C6: variants seen among roughly 807,000 people sequenced by gnomAD.
C6 encodes complement component C6.
C6 carries 101 observed loss-of-function variants against 112.9 expected under a neutral mutation model. That is an observed-to-expected ratio of 0.89 (90% CI 0.76 to 1.06). C6 has a LOEUF of 1.06. Among genes scored for constraint, C6 ranks in the 50% least tolerant of loss-of-function variants. C6 has a pLI of 0.00. For synonymous variants in C6, 431 were observed against 384.1 expected, an observed-to-expected ratio of 1.12 and a Z score of -1.43; for missense variants, 1,202 against 1,104.6, an observed-to-expected ratio of 1.09 and a Z score of -1.25.
At chr5:41,147,428 T>C (rs886725284) in intron 17 of C6, among the ~76,000 whole-genome samples, 11 of 152,160 alleles carry the variant, frequency 7.2e-5, no homozygotes, top group African/African-American at 2.7e-4. Flanking sequence ...AGATGCCAGC[T>C]ATGTCCACCC....
intron 13 of C6, 100 bp downstream of exon 13, chr5:41,158,574 G>A: frequency 1.4e-6 from 1 of 737,972 alleles, no homozygotes; most frequent in African/African-American, 1.7e-5. Context: ...GTCAATAGGA[G>A]ATTATTCGAA....
At chr5:41,203,774 G>A (rs1751214206) in intron 1 of C6, 1 of 162,668 alleles carries the variant, frequency 6.1e-6, no homozygotes, top group Non-Finnish European at 1.4e-5. Flanking sequence ...AGCTAGTAAG[G>A]ATCTTTGAAA....
At chr5:41,151,718 C>T (rs1349865347) in intron 15 of C6, among the ~76,000 whole-genome samples, 1 of 152,018 alleles carries the variant, frequency 6.6e-6, no homozygotes, top group East Asian at 1.9e-4. Context: ...GATTAATGTC[C>T]AAGCACTGGC....
intron 8 of C6, among the ~76,000 whole-genome samples, chr5:41,174,208 G>A (rs1329692972): frequency 6.6e-6 from 1 of 152,150 alleles, no homozygotes; most frequent in African/African-American, 2.4e-5. Context: ...CTTTATCAAT[G>A]AATTTCTGTG....
At chr5:41,224,908 A>C (rs878866198) in intron 1 of C6, among the ~76,000 whole-genome samples, 3 of 151,992 alleles carry the variant, frequency 2.0e-5, no homozygotes, top group Admixed American at 2.0e-4. Flanking sequence ...CCTTGCCAAC[A>C]CTTGTTATTT....
chr5:41,169,665 A>G (rs1476991275), intron 9 of C6, among the ~76,000 whole-genome samples: 2 of 152,084 alleles, frequency 1.3e-5, no homozygotes, highest in Non-Finnish European at 2.9e-5. Context: ...GGAAGGAGTC[A>G]CGTCCTACAT....
chr5:41,178,601 G>A (rs773646235), intron 7 of C6, among the ~76,000 whole-genome samples: 14 of 148,724 alleles, frequency 9.4e-5, no homozygotes, highest in East Asian at 2.0e-4. Flanking sequence ...TCAGCCTCCC[G>A]AGTAGCTGGG....
At chr5:41,204,340 C>G (rs1175031776) in intron 1 of C6, among the ~76,000 whole-genome samples, 2 of 152,202 alleles carry the variant, frequency 1.3e-5, no homozygotes, top group African/African-American at 2.4e-5. Context: ...TTAATAAATA[C>G]TAGCTTTTCA....
At position 41,158,739 on chromosome 5, in the gene C6, G is replaced by T. The variant is rs201273657; in HGVS notation, c.1903C>A (p.Leu635Ile). The T allele has an allele frequency of 1.2e-6, 2 of 1,610,652 alleles. No homozygotes were observed. Among genetic ancestry groups the T allele is most frequent in the Non-Finnish European group, 1.7e-6 (2 of 1,177,032 alleles). ...NDDEEMKEVD[L>I]PEIEADSGCP... The stretch of plus-strand genomic sequence containing the variant: ...CCGGAATCTGCTTCTATCTCAGGAA[G>T]ATCGACCTCTTTCATTTCTTCGTCA... The change falls in exon 13 of 18, where the codon CTT becomes ATT. Residue 635 changes from leucine (L) to isoleucine (I), a missense_variant. Leu to Ile is a conservative substitution (Grantham distance 5, BLOSUM62 2). Coordinates refer to ENST00000337836, the MANE Select transcript of C6 (RefSeq NM_000065.5).
At chr5:41,230,975 T>A (rs1225388404) in intron 1 of C6, among the ~76,000 whole-genome samples, 2 of 152,210 alleles carry the variant, frequency 1.3e-5, no homozygotes, top group African/African-American at 4.8e-5. Flanking sequence ...TATCATACAA[T>A]AAATTCTATT....
intron 6 of C6, among the ~76,000 whole-genome samples, chr5:41,184,100 C>T (rs561692061): frequency 1.3e-5 from 2 of 151,186 alleles, no homozygotes; most frequent in East Asian, 3.9e-4. Flanking sequence ...GTGACAAACT[C>T]GCATATGTAT....
intron 1 of C6, among the ~76,000 whole-genome samples, chr5:41,239,230 G>C (rs1740542479): frequency 6.7e-6 from 1 of 149,252 alleles, no homozygotes; most frequent in African/African-American, 2.5e-5. Context: ...TTCTGTCTCA[G>C]CCTCCCCATG....
intron 4 of C6, among the ~76,000 whole-genome samples, chr5:41,198,491 T>C (rs924462927): frequency 1.3e-5 from 2 of 152,154 alleles, no homozygotes; most frequent in Non-Finnish European, 2.9e-5. Flanking sequence ...TTTTGGGCTC[T>C]GGGAAGCAGG....
intron 1 of C6, chr5:41,203,514 G>A (rs1043787725): frequency 2.4e-6 from 1 of 422,330 alleles, no homozygotes; most frequent in Non-Finnish European, 4.4e-6. Flanking sequence ...ACAAGACAAA[G>A]TATGTAGCAT....
rs556557033 is a variant in C6, at chr5:41,211,819, G to A, written c.-21+1557C>T. Among the ~76,000 whole-genome samples the A allele has an allele frequency of 6.6e-5, 10 of 152,190 alleles. 1 individual carries two copies. The South Asian group carries it at 1.7e-3, about 25-fold the overall frequency. On this transcript the variant is annotated intron_variant, in intron 1 of 17. Coordinates refer to ENST00000337836, the MANE Select transcript of C6 (RefSeq NM_000065.5). ...AGAAAACAAATTCTTAAAGCTTCTG[G>A]TGAAATTTTCATGTAAATAATTTGG...
chr5:41,231,153 T>C (rs1477224185), intron 1 of C6, among the ~76,000 whole-genome samples: 1 of 152,174 alleles, frequency 6.6e-6, no homozygotes, highest in Non-Finnish European at 1.5e-5. Flanking sequence ...ATTTATTTTT[T>C]ATCCACTTAG....
rs374048401 is a variant in C6, at chr5:41,143,046, T to C, written c.2624-40A>G. 10 of 1,580,828 alleles carry C rather than the reference T, an allele frequency of 6.3e-6. No individual in the cohort carries two copies. The African/African-American group carries it at 1.1e-4, about 17-fold the overall frequency. On this transcript the variant is annotated intron_variant, in intron 17 of 17. Transcript: ENST00000337836. ...AGAGAGACAGTGTGACTTACCACAG[T>C]ACATTAGGGTTTGGCTTTATCTAAA... is the stretch of plus-strand genomic sequence containing the variant.
chr5:41,172,288 A>G lies in C6; in HGVS notation c.1228T>C (p.Phe410Leu). The change falls in exon 9 of 18, where the codon TTT becomes CTT. Residue 410 changes from phenylalanine to leucine, a missense_variant. Transcript: ENST00000337836. ...VRIETKKRVL[F>L]AKKTKVEHRC... ...TGTTCCACTTTTGTTTTCTTAGCAA[A>G]TAAAACGCGTTTCTTTGTTTCAATC... 1 of 1,613,734 alleles carries G rather than the reference A, an allele frequency of 6.2e-7. No individual in the cohort carries two copies. Among genetic ancestry groups the G allele is most frequent in the Non-Finnish European group, 8.5e-7 (1 of 1,179,782 alleles).
chr5:41,199,878 A>T lies in C6; in HGVS notation c.335T>A (p.Phe112Tyr). Residue 112 changes from phenylalanine (F) to tyrosine (Y), a missense_variant, in exon 4 of 18, where the codon TTT (phenylalanine) becomes TAT (tyrosine). By Grantham distance (22) the Phe-to-Tyr change is conservative (BLOSUM62 3). Transcript: ENST00000337836. ...AGGCGCAGTGCATGGCTGTCCCCCA[A>T]ACTGACTGGGACGCAAGACAGATCT... ...KVRSVLRPSQ[F>Y]GGQPCTAPLV... The T allele has an allele frequency of 6.2e-7, 1 of 1,613,758 alleles. No individual in the cohort carries two copies. The highest frequency in any genetic ancestry group is 8.5e-7 in the Non-Finnish European group (1 of 1,179,726).
Sources: gnomAD v4.1 joint callset for allele counts (sites outside exome capture counted in the v4.1 genomes callset) on GRCh38, gnomAD v4.1.1 for gene constraint, MANE v1.5 for transcripts, NCBI Gene and HGNC (gene_info 2026-07-23, HGNC 2026-07-21) for gene names.